The following FBXW7 variants were observed in gnomAD, a reference collection of about 807,000 sequenced individuals.
FBXW7 encodes the protein F-box/WD repeat-containing protein 7.
Under a neutral mutation model 86.3 loss-of-function variants are expected in FBXW7, and 11 were observed. The ratio of observed to expected loss-of-function variants is 0.13; its 90% confidence interval spans 0.08 to 0.21. The LOEUF (loss-of-function observed/expected upper bound fraction) is 0.21. Among genes scored for constraint, FBXW7 ranks in the 10% least tolerant of loss-of-function variants. FBXW7 has a pLI of 1.00. For missense variants in FBXW7, 488 were observed against 847.4 expected (o/e 0.58, Z 5.27); for synonymous variants, 313 against 297.9 (o/e 1.05, Z -0.52).
intron 2 of FBXW7, among the ~76,000 whole-genome samples, chr4:152,478,413 A>G (rs1744605319): frequency 6.6e-6 from 1 of 152,090 alleles, no homozygotes; most frequent in Non-Finnish European, 1.5e-5. Context: ...ATTTGTATTT[A>G]TGGCTGAATA....
At chr4:152,399,286 C>T (rs541415000) in intron 4 of FBXW7, among the ~76,000 whole-genome samples, 3 of 152,230 alleles carry the variant, frequency 2.0e-5, no homozygotes, top group South Asian at 4.1e-4. Context: ...TAGAAGGACT[C>T]TTAGCAAACT....
intron 2 of FBXW7, among the ~76,000 whole-genome samples, chr4:152,512,203 C>G (rs750831535): frequency 7.2e-5 from 11 of 152,142 alleles, no homozygotes; most frequent in Non-Finnish European, 1.3e-4. Context: ...TTCAAATTCA[C>G]TTTTTAAAAA....
intron 7 of FBXW7, among the ~76,000 whole-genome samples, chr4:152,333,783 G>A (rs1452224760): frequency 1.3e-5 from 2 of 152,104 alleles, no homozygotes; most frequent in African/African-American, 4.8e-5. Context: ...GCTGGGTGTG[G>A]TGGCTCACTC....
At chr4:152,343,791 G>A (rs1167141352) in intron 6 of FBXW7, among the ~76,000 whole-genome samples, 1 of 151,942 alleles carries the variant, frequency 6.6e-6, no homozygotes, top group Non-Finnish European at 1.5e-5. Flanking sequence ...TGGATCAATG[G>A]CTACTGAAAA....
At chr4:152,380,370 A>G (rs1051730194) in intron 4 of FBXW7, among the ~76,000 whole-genome samples, 4 of 152,066 alleles carry the variant, frequency 2.6e-5, no homozygotes, top group Admixed American at 2.6e-4. Context: ...AATCCCTCTA[A>G]TATTTCTAGT....
intron 4 of FBXW7, among the ~76,000 whole-genome samples, chr4:152,372,363 G>A (rs913923846): frequency 5.9e-5 from 9 of 151,924 alleles, no homozygotes; most frequent in Admixed American, 5.9e-4. Flanking sequence ...TGCTCTTGGA[G>A]ACAGCTGTGT....
chr4:152,529,166 A>T (rs1158091693), intron 2 of FBXW7, among the ~76,000 whole-genome samples: 1 of 152,220 alleles, frequency 6.6e-6, no homozygotes, highest in Non-Finnish European at 1.5e-5. Context: ...TAGAAGATGC[A>T]CACCTTGTGT....
chr4:152,374,644 G>T (rs976125613), intron 4 of FBXW7, among the ~76,000 whole-genome samples: 3 of 152,004 alleles, frequency 2.0e-5, no homozygotes, highest in Admixed American at 1.3e-4. Context: ...CCTCTGAATT[G>T]TAAGAGTTTA....
intron 2 of FBXW7, among the ~76,000 whole-genome samples, chr4:152,418,141 A>G (rs1579146229): frequency 6.6e-6 from 1 of 151,884 alleles, no homozygotes; most frequent in East Asian, 1.9e-4. Flanking sequence ...ACACACACAC[A>G]CACACACACA....
intron 2 of FBXW7, among the ~76,000 whole-genome samples, chr4:152,431,156 G>A (rs1002317862): frequency 6.6e-6 from 1 of 152,220 alleles, no homozygotes; most frequent in Non-Finnish European, 1.5e-5. Flanking sequence ...ATCTAGACAG[G>A]AGTTTCTGAA....
intron 4 of FBXW7, chr4:152,352,765 G>A (rs2126665257): frequency 6.2e-7 from 1 of 1,607,484 alleles, no homozygotes; most frequent in South Asian, 1.1e-5. Context: ...GAACTCGAGG[G>A]AATAATGAGA....
intron 2 of FBXW7, among the ~76,000 whole-genome samples, chr4:152,523,570 A>T (rs886994302): frequency 5.3e-5 from 8 of 152,276 alleles, no homozygotes; most frequent in Admixed American, 5.2e-4. Context: ...TAGCCAATTT[A>T]AGTAGTAAGT....
chr4:152,326,333 G>GA, intron 11 of FBXW7, 102 bp from the exon 12 acceptor site: 1 of 644,260 alleles, frequency 1.6e-6, no homozygotes. Flanking sequence ...AGGTTTTTTA[G>GA]CTTTTTTTTT....
chr4:152,452,516 A>T (rs1741999064), intron 2 of FBXW7, among the ~76,000 whole-genome samples: 1 of 152,220 alleles, frequency 6.6e-6, no homozygotes, highest in African/African-American at 2.4e-5. Context: ...AATTGTTATC[A>T]GCTGTGTCTC....
At chr4:152,372,598 C>T (rs1039303331) in intron 4 of FBXW7, among the ~76,000 whole-genome samples, 23 of 152,050 alleles carry the variant, frequency 1.5e-4, no homozygotes, top group African/African-American at 5.3e-4. Context: ...GCTTTGCAGA[C>T]AAGGGACTGT....
chr4:152,507,350 A>G (rs1168021492), intron 2 of FBXW7, among the ~76,000 whole-genome samples: 3 of 152,238 alleles, frequency 2.0e-5, no homozygotes, highest in Non-Finnish European at 4.4e-5. Flanking sequence ...AAGCTCTTAG[A>G]AAAGTTTTTT....
intron 2 of FBXW7, among the ~76,000 whole-genome samples, chr4:152,493,873 C>T (rs1746078023): frequency 6.6e-6 from 1 of 152,146 alleles, no homozygotes; most frequent in Non-Finnish European, 1.5e-5. Context: ...CAAATAAGAC[C>T]AAGTTTAAAA....
intron 7 of FBXW7, 99 bp from the exon 8 acceptor site, chr4:152,332,818 A>G: frequency 1.9e-6 from 1 of 532,840 alleles, no homozygotes; most frequent in Non-Finnish European, 2.5e-6. Context: ...CTTGATAAAT[A>G]TAATTCTGCA....
At chr4:152,362,828 C>CT (rs771013471) in intron 4 of FBXW7, among the ~76,000 whole-genome samples, 2 of 79,144 alleles carry the variant, frequency 2.5e-5, no homozygotes, top group East Asian at 7.1e-4. Context: ...CTCTCTCTCT[C>CT]AAAAAAAAAA....
Sources: gnomAD v4.1 joint callset for allele counts (sites outside exome capture counted in the v4.1 genomes callset) on GRCh38, gnomAD v4.1.1 for gene constraint, MANE v1.5 for transcripts, NCBI Gene and HGNC (gene_info 2026-07-23, HGNC 2026-07-21) for gene names.